Variants in MEI4 observed in about 807,000 individuals in gnomAD.
MEI4 encodes the protein meiotic double-stranded break formation protein 4.
MEI4 carries 27 observed loss-of-function variants against 31.4 expected under a neutral mutation model. The observed-to-expected ratio is 0.86, with a 90% CI of 0.63 to 1.19. MEI4 has a LOEUF of 1.19. MEI4 is among the 50% of genes most tolerant of loss of function. MEI4 has a pLI of 0.00. For missense variants in MEI4, 329 were observed against 398.9 expected (o/e 0.82, Z 1.49); for synonymous variants, 122 against 145.4 (o/e 0.84, Z 1.16).
chr6:77,863,325 A>G (rs546495545), intron 4 of MEI4, among the ~76,000 whole-genome samples: 8 of 152,186 alleles, frequency 5.3e-5, no homozygotes, highest in Admixed American at 2.6e-4. Context: ...CAAGGAAGTT[A>G]AAAACCTTGA....
chr6:77,865,986 T>C (rs555215164), intron 4 of MEI4, among the ~76,000 whole-genome samples: 2 of 152,170 alleles, frequency 1.3e-5, no homozygotes, highest in African/African-American at 4.8e-5. Context: ...AACCACATGA[T>C]TATCTCAATA....
At chr6:77,889,261 A>G (rs1390163877) in intron 4 of MEI4, among the ~76,000 whole-genome samples, 1 of 152,152 alleles carries the variant, frequency 6.6e-6, no homozygotes, top group Non-Finnish European at 1.5e-5. Flanking sequence ...GATGTGGGAA[A>G]GTTTGGAATT....
At chr6:77,650,623 G>T (rs1172520540), upstream of MEI4, among the ~76,000 whole-genome samples, 4 of 152,228 alleles carry the variant, frequency 2.6e-5, no homozygotes, top group African/African-American at 9.6e-5. Flanking sequence ...CCCTCCCTCA[G>T]CGCGAGGCCT....
In MEI4 at chr6:77,783,117, G is replaced by A. The variant is rs9791222; in HGVS notation, c.768+21452G>A. On this transcript the variant is annotated intron_variant, in intron 3 of 4. Coordinates refer to ENST00000684080, the MANE Select transcript of MEI4 (RefSeq NM_001322247.2). ...AACAGAAGAATTGAGTTTTTCCTAC[G>A]TTTTGCAGTGATGACTATTTGAAAA... 1.8e-3 allele frequency among the ~76,000 whole-genome samples: 268 copies of A among 152,162 alleles called. 3 individuals are homozygous for A. In the East Asian group the frequency reaches 0.033, roughly 19 times the overall value.
intron 4 of MEI4, among the ~76,000 whole-genome samples, chr6:77,873,739 T>A (rs1031749755): frequency 2.6e-5 from 4 of 152,194 alleles, no homozygotes; most frequent in Non-Finnish European, 5.9e-5. Context: ...TGGTTTTAGG[T>A]CTAACATGTA....
chr6:77,752,168 A>C (rs1488728276), intron 2 of MEI4, among the ~76,000 whole-genome samples: 1 of 152,212 alleles, frequency 6.6e-6, no homozygotes, highest in Non-Finnish European at 1.5e-5. Flanking sequence ...TATCATACTG[A>C]ATGGGCAAAA....
intron 4 of MEI4, among the ~76,000 whole-genome samples, chr6:77,832,163 A>T (rs955878843): frequency 1.3e-5 from 2 of 152,008 alleles, no homozygotes; most frequent in African/African-American, 4.8e-5. Flanking sequence ...AGATTTTCCA[A>T]CCTAAAGTAA....
intron 4 of MEI4, among the ~76,000 whole-genome samples, chr6:77,859,848 G>T (rs1487631321): frequency 6.6e-6 from 1 of 151,992 alleles, no homozygotes; most frequent in Non-Finnish European, 1.5e-5. Context: ...TGTCCACCTG[G>T]GCACCAGTAG....
intron 3 of MEI4, among the ~76,000 whole-genome samples, chr6:77,819,346 T>C (rs1240979911): frequency 6.6e-6 from 1 of 152,204 alleles, no homozygotes; most frequent in Non-Finnish European, 1.5e-5. Context: ...TTTTTCACTT[T>C]AGTTACTATT....
chr6:77,726,271 G>T (rs1368146340), intron 2 of MEI4, among the ~76,000 whole-genome samples: 1 of 150,734 alleles, frequency 6.6e-6, no homozygotes, highest in Admixed American at 6.6e-5. Context: ...CAAGGCAGAA[G>T]AATTTTTCTT....
Position 77,924,022 on chromosome 6 carries a change from T to TAATA in MEI4, c.*677_*680dup, listed in dbSNP as rs1279219929. 1.3e-5 allele frequency: 2 copies of TAATA among 151,756 alleles called. No individual in the cohort carries two copies. Among genetic ancestry groups the TAATA allele is most frequent in the Non-Finnish European group, 2.9e-5 (2 of 67,822 alleles). The allele number at this position is 151,756 out of a possible 1,614,324, so 9.4% of individuals were successfully genotyped here. A position where few individuals can be genotyped will look rare whatever the true frequency, so the allele number is the denominator to read the frequency against. Reference sequence around the variant, plus strand: ...TCAATTCTGTTAATTAAATATGTTATAATAGTCTTGTAATTGTTAAATAGT... The same window carrying TAATA: ...TCAATTCTGTTAATTAAATATGTTATAATAAATAGTCTTGTAATTGTTAAATAGT... On this transcript the variant is annotated 3_prime_UTR_variant, in exon 5 of 5. Transcript: ENST00000684080.
At chr6:77,837,608 A>T (rs978247669) in intron 4 of MEI4, among the ~76,000 whole-genome samples, 1 of 152,192 alleles carries the variant, frequency 6.6e-6, no homozygotes, top group African/African-American at 2.4e-5. Context: ...TTACTGGAAC[A>T]CAAATACTTG....
At chr6:77,741,865 C>A (rs1038431945) in intron 2 of MEI4, among the ~76,000 whole-genome samples, 4 of 146,538 alleles carry the variant, frequency 2.7e-5, no homozygotes, top group Admixed American at 7.0e-5. Flanking sequence ...TGAGAACATG[C>A]GGTGTTTGGT....
At chr6:77,689,969 C>G (rs1377296237) in intron 1 of MEI4, among the ~76,000 whole-genome samples, 2 of 151,832 alleles carry the variant, frequency 1.3e-5, no homozygotes, top group African/African-American at 4.8e-5. Context: ...CATGTGGCCT[C>G]CATAAGTATG....
chr6:77,748,174 C>G (rs1016732900), intron 2 of MEI4, among the ~76,000 whole-genome samples: 1 of 152,202 alleles, frequency 6.6e-6, no homozygotes. Flanking sequence ...CTCAGCTTCA[C>G]TAGGCAGTGC....
At chr6:77,901,799 A>G (rs539821955) in intron 4 of MEI4, among the ~76,000 whole-genome samples, 4 of 152,182 alleles carry the variant, frequency 2.6e-5, no homozygotes, top group Admixed American at 1.3e-4. Context: ...GACCAATGTC[A>G]TAGAGCTTTC....
chr6:77,890,350 C>T (rs13210259), intron 4 of MEI4, among the ~76,000 whole-genome samples: 16 of 152,324 alleles, frequency 1.1e-4, no homozygotes, highest in Middle Eastern at 3.4e-3. Context: ...CAAAAGAGAT[C>T]ATTTTGAAAC....
At chr6:77,740,304 G>C (rs1040338480) in intron 2 of MEI4, among the ~76,000 whole-genome samples, 10 of 152,148 alleles carry the variant, frequency 6.6e-5, no homozygotes, top group African/African-American at 2.4e-4. Context: ...GAGGTAGAGA[G>C]TTCTGTAGAT....
chr6:77,765,427 T>C (rs1768147251), intron 3 of MEI4, among the ~76,000 whole-genome samples: 2 of 151,770 alleles, frequency 1.3e-5, no homozygotes, highest in Admixed American at 1.3e-4. Flanking sequence ...AATTTTATTA[T>C]TATTATACTT....
Sources: allele counts gnomAD v4.1 joint callset (sites outside exome capture counted in the v4.1 genomes callset), GRCh38; gene constraint gnomAD v4.1.1; transcripts MANE v1.5; gene names NCBI Gene and HGNC (gene_info 2026-07-23, HGNC 2026-07-21).